The following NRG1 variants were observed in gnomAD, a reference collection of about 807,000 sequenced individuals.
NRG1 encodes the protein neuregulin 1, also known as pro-neuregulin-1, membrane-bound isoform.
In NRG1, 18 loss-of-function variants were observed where a neutral mutation model predicts 63.8. That is an observed-to-expected ratio of 0.28 (90% confidence interval 0.19 to 0.42). NRG1 has a LOEUF of 0.42. Among genes scored for constraint, NRG1 ranks in the 10% least tolerant of loss-of-function variants. The pLI is 1.00. For missense variants in NRG1, 762 were observed against 814.7 expected (o/e 0.94, Z 0.79); for synonymous variants, 302 against 301.3 (o/e 1.00, Z -0.02).
At chr8:31,748,330 G>A (rs1269808940) in intron 1 of NRG1, among the ~76,000 whole-genome samples, 9 of 151,856 alleles carry the variant, frequency 5.9e-5, no homozygotes, top group Non-Finnish European at 8.8e-5. Context: ...TAATCTTATG[G>A]GTACTGCTAA....
Position 31,717,729 on chromosome 8 carries a change from CT to C in NRG1, c.37+78307del, listed in dbSNP as rs372995395. ...CAGTAAATTTGATTTTCAGCGATGC[CT>C]TTTTTTTTGTCATTTTAAGGCCCCC... On this transcript the variant is annotated intron_variant, in intron 1 of 10. Coordinates refer to the NRG1 transcript ENST00000519301. Among the ~76,000 whole-genome samples, 88 of 151,036 alleles carry C rather than the reference CT, an allele frequency of 5.8e-4. 1 individual carries two copies. The highest frequency in any genetic ancestry group is 2.0e-3 in the African/African-American group (81 of 41,188).
chr8:31,654,601 G>A (rs1363863681), intron 1 of NRG1, among the ~76,000 whole-genome samples: 1 of 152,122 alleles, frequency 6.6e-6, no homozygotes, highest in Non-Finnish European at 1.5e-5. Flanking sequence ...GGTCAATAAG[G>A]GATATATCTC....
chr8:32,169,063 T>A (rs964492339), intron 1 of NRG1, among the ~76,000 whole-genome samples: 3 of 152,190 alleles, frequency 2.0e-5, no homozygotes, highest in African/African-American at 7.2e-5. Flanking sequence ...GATGTCATTA[T>A]CATGGACGTC....
At chr8:31,996,272 A>G (rs749436600) in intron 1 of NRG1, among the ~76,000 whole-genome samples, 15 of 151,996 alleles carry the variant, frequency 9.9e-5, no homozygotes, top group Admixed American at 2.0e-4. Context: ...TGGCACTCCA[A>G]TTAAACAAAA....
At chr8:31,941,244 T>C (rs1313766287) in intron 1 of NRG1, among the ~76,000 whole-genome samples, 1 of 152,092 alleles carries the variant, frequency 6.6e-6, no homozygotes, top group Non-Finnish European at 1.5e-5. Flanking sequence ...TGGTTTAACA[T>C]AGGCAAGTCA....
intron 1 of NRG1, among the ~76,000 whole-genome samples, chr8:31,708,571 A>G (rs989716295): frequency 6.9e-6 from 1 of 145,942 alleles, no homozygotes; most frequent in Admixed American, 7.0e-5. Flanking sequence ...TCAGCCTCCC[A>G]AGTAGCTGGG....
chr8:32,215,593 C>G (rs1023284931), intron 1 of NRG1, among the ~76,000 whole-genome samples: 1 of 152,220 alleles, frequency 6.6e-6, no homozygotes, highest in African/African-American at 2.4e-5. Context: ...CCCAAGGTCT[C>G]ACAGTTGTAA....
intron 1 of NRG1, among the ~76,000 whole-genome samples, chr8:32,337,513 T>C (rs895451706): frequency 6.6e-6 from 1 of 151,938 alleles, no homozygotes; most frequent in African/African-American, 2.4e-5. Flanking sequence ...TTAAAATTCA[T>C]GTGCCTTTGA....
chr8:32,375,610 G>A (rs1221390741), intron 1 of NRG1, among the ~76,000 whole-genome samples: 1 of 152,150 alleles, frequency 6.6e-6, no homozygotes, highest in Non-Finnish European at 1.5e-5. Context: ...AAGACTTCCA[G>A]TTGCAAGGTC....
chr8:31,807,729 C>T (rs952842712), intron 1 of NRG1, among the ~76,000 whole-genome samples: 1 of 152,086 alleles, frequency 6.6e-6, no homozygotes, highest in Non-Finnish European at 1.5e-5. Context: ...TGTTTAGTAA[C>T]TCTAAATTTT....
chr8:32,676,445 A>T (rs1450013546), intron 5 of NRG1, among the ~76,000 whole-genome samples: 1 of 152,212 alleles, frequency 6.6e-6, no homozygotes, highest in East Asian at 1.9e-4. Context: ...CGTATTTCTC[A>T]ATATGACAGA....
At chr8:31,873,001 A>T (rs1410440643) in intron 1 of NRG1, among the ~76,000 whole-genome samples, 1 of 152,196 alleles carries the variant, frequency 6.6e-6, no homozygotes. Context: ...CAATCAAATA[A>T]TGGTACATAA....
At chr8:32,412,868 A>G (rs950413914) in intron 1 of NRG1, among the ~76,000 whole-genome samples, 2 of 152,172 alleles carry the variant, frequency 1.3e-5, no homozygotes, top group African/African-American at 4.8e-5. Context: ...GCAGCATATG[A>G]CTGTATATAT....
At chr8:32,652,978 C>T (rs1320418058) in intron 5 of NRG1, among the ~76,000 whole-genome samples, 1 of 152,174 alleles carries the variant, frequency 6.6e-6, no homozygotes, top group Non-Finnish European at 1.5e-5. Flanking sequence ...CCCCTGAGAA[C>T]CAGGAATATA....
chr8:32,635,636 AC>A (rs1401772589), intron 5 of NRG1, among the ~76,000 whole-genome samples: 21 of 152,150 alleles, frequency 1.4e-4, no homozygotes, highest in Admixed American at 7.2e-4. Flanking sequence ...CTCTGGGAGC[AC>A]AGTTAATTCT....
chr8:31,792,287 T>C (rs1262181756), intron 1 of NRG1, among the ~76,000 whole-genome samples: 7 of 152,354 alleles, frequency 4.6e-5, no homozygotes, highest in East Asian at 3.9e-4. Flanking sequence ...TCAAACTAAA[T>C]GAATGCCTAT....
intron 3 of NRG1, among the ~76,000 whole-genome samples, chr8:32,612,150 T>C (rs1714766586): frequency 6.6e-6 from 1 of 152,116 alleles, no homozygotes; most frequent in Non-Finnish European, 1.5e-5. Context: ...ACAAATGTAA[T>C]ATGCCAAATT....
chr8:31,870,768 T>C (rs1829410751), intron 1 of NRG1, among the ~76,000 whole-genome samples: 1 of 152,172 alleles, frequency 6.6e-6, no homozygotes, highest in African/African-American at 2.4e-5. Context: ...GGCTGTTTGT[T>C]GAAAAACCTT....
chr8:31,982,921 G>C (rs1809406195), intron 1 of NRG1, among the ~76,000 whole-genome samples: 1 of 152,088 alleles, frequency 6.6e-6, no homozygotes, highest in Non-Finnish European at 1.5e-5. Flanking sequence ...ATCAGTGCCA[G>C]TTTTATGCTG....
Sources: gnomAD v4.1 joint callset for allele counts (sites outside exome capture counted in the v4.1 genomes callset) on GRCh38, gnomAD v4.1.1 for gene constraint, MANE v1.5 for transcripts, NCBI Gene and HGNC (gene_info 2026-07-23, HGNC 2026-07-21) for gene names.